Variants in VWC2 observed in about 807,000 individuals in gnomAD.
VWC2 encodes the protein brorin.
VWC2 carries 14 observed loss-of-function variants against 29.8 expected under a neutral mutation model. The ratio of observed to expected loss-of-function variants is 0.47; its 90% confidence interval spans 0.31 to 0.74. The LOEUF is 0.74. Among genes scored for constraint, VWC2 ranks in the 30% least tolerant of loss-of-function variants. The probability of loss-of-function intolerance (pLI) is 0.05; values close to 1 mark genes in which losing one functional copy is unlikely to be tolerated. For synonymous variants in VWC2, 213 were observed against 199.0 expected, an observed-to-expected ratio of 1.07 and a Z score of -0.59; for missense variants, 457 against 459.8, an observed-to-expected ratio of 0.99 and a Z score of 0.05.
At chr7:49,844,845 A>T (rs558383552) in intron 3 of VWC2, among the ~76,000 whole-genome samples, 1 of 152,104 alleles carries the variant, frequency 6.6e-6, no homozygotes, top group Non-Finnish European at 1.5e-5. Context: ...GGTGCCCGCC[A>T]CTACGTCCAA....
intron 2 of VWC2, among the ~76,000 whole-genome samples, chr7:49,801,193 A>G (rs564969153): frequency 6.6e-6 from 1 of 152,162 alleles, no homozygotes; most frequent in African/African-American, 2.4e-5. Context: ...TAGTGTTTGC[A>G]TTGTATAGAC....
intron 3 of VWC2, among the ~76,000 whole-genome samples, chr7:49,816,673 A>C (rs1415203735): frequency 6.6e-6 from 1 of 152,288 alleles, no homozygotes; most frequent in East Asian, 1.9e-4. Flanking sequence ...AAAACAGGAA[A>C]ATCTGTGAGT....
intron 2 of VWC2, among the ~76,000 whole-genome samples, chr7:49,793,932 A>G (rs1788522203): frequency 6.6e-6 from 1 of 152,218 alleles, no homozygotes; most frequent in Non-Finnish European, 1.5e-5. Flanking sequence ...TGAGCAACTC[A>G]GAGCCCACCT....
chr7:49,811,302 T>A (rs1789000479), intron 3 of VWC2, among the ~76,000 whole-genome samples: 1 of 152,220 alleles, frequency 6.6e-6, no homozygotes, highest in Non-Finnish European at 1.5e-5. Context: ...CATCTTGAAT[T>A]GTATTTCCTA....
chr7:49,854,099 T>C (rs996399719), intron 3 of VWC2, among the ~76,000 whole-genome samples: 8 of 152,102 alleles, frequency 5.3e-5, no homozygotes, highest in African/African-American at 1.9e-4. Context: ...CACATTTTCT[T>C]AATCCAGTCT....
chr7:49,802,684 A>C, intron 2 of VWC2, 27 bp from the exon 3 acceptor site: 1 of 1,613,940 alleles, frequency 6.2e-7, no homozygotes, highest in Non-Finnish European at 8.5e-7. Context: ...AGCAGGCTAA[A>C]GTGCTGATTG....
Position 49,880,632 on chromosome 7 carries a change from T to G in VWC2, c.827-31402T>G, listed in dbSNP as rs113985725. Reference sequence around the variant, plus strand: ...TATACTTTAAGTTCTAGGGTACATGTGAGAACACTTGGACACAGGGTGGGG... The same window carrying G: ...TATACTTTAAGTTCTAGGGTACATGGGAGAACACTTGGACACAGGGTGGGG... On this transcript the variant is annotated intron_variant, in intron 3 of 3. Transcript: ENST00000340652. Among the ~76,000 whole-genome samples, 1,427 of 152,042 alleles carry G rather than the reference T, an allele frequency of 9.4e-3. 17 individuals are homozygous for G. Among genetic ancestry groups the G allele is most frequent in the African/African-American group, 0.033 (1,362 of 41,438 alleles).
At chr7:49,898,958 A>C (rs1186222074) in intron 3 of VWC2, among the ~76,000 whole-genome samples, 1 of 152,146 alleles carries the variant, frequency 6.6e-6, no homozygotes, top group Non-Finnish European at 1.5e-5. Flanking sequence ...AAGTGCAACA[A>C]ATAGAAAATA....
chr7:49,852,783 C>T (rs535538666), intron 3 of VWC2, among the ~76,000 whole-genome samples: 1 of 152,302 alleles, frequency 6.6e-6, no homozygotes, highest in African/African-American at 2.4e-5. Flanking sequence ...TCCCTCTGCT[C>T]TCAAACTCCC....
intron 2 of VWC2, among the ~76,000 whole-genome samples, chr7:49,792,479 G>C (rs1476591246): frequency 6.6e-6 from 1 of 152,198 alleles, no homozygotes; most frequent in East Asian, 1.9e-4. Context: ...ACCCCAGTGG[G>C]TTCAACAGGT....
At chr7:49,791,407 G>T (rs1788459896) in intron 2 of VWC2, among the ~76,000 whole-genome samples, 1 of 152,210 alleles carries the variant, frequency 6.6e-6, no homozygotes, top group Non-Finnish European at 1.5e-5. Context: ...TCATGTAACA[G>T]GGTCAAAATG....
intron 3 of VWC2, among the ~76,000 whole-genome samples, chr7:49,909,609 C>T (rs1290687886): frequency 6.6e-6 from 1 of 152,100 alleles, no homozygotes; most frequent in East Asian, 1.9e-4. Flanking sequence ...TGACACTGGG[C>T]TCAGACATCA....
intron 2 of VWC2, among the ~76,000 whole-genome samples, chr7:49,777,636 C>A (rs1024078419): frequency 2.0e-5 from 3 of 152,190 alleles, no homozygotes; most frequent in African/African-American, 7.2e-5. Context: ...AGAAAGACAA[C>A]TGGGATGAGC....
intron 3 of VWC2, among the ~76,000 whole-genome samples, chr7:49,824,042 T>A (rs1169081449): frequency 2.0e-5 from 3 of 152,162 alleles, no homozygotes; most frequent in Non-Finnish European, 4.4e-5. Context: ...GCATTTTCCC[T>A]CAGTCTGTGG....
intron 2 of VWC2, among the ~76,000 whole-genome samples, chr7:49,788,968 T>C (rs1045673430): frequency 1.4e-5 from 2 of 144,534 alleles, no homozygotes; most frequent in African/African-American, 5.2e-5. Context: ...TGTGCATGAG[T>C]GTGTGTGAGC....
intron 3 of VWC2, among the ~76,000 whole-genome samples, chr7:49,887,659 C>G (rs1162532377): frequency 6.7e-6 from 1 of 148,218 alleles, no homozygotes; most frequent in Non-Finnish European, 1.5e-5. Context: ...AAAATAAGCC[C>G]TTCTAAAATT....
chr7:49,843,013 G>A (rs542214532), intron 3 of VWC2, among the ~76,000 whole-genome samples: 1 of 152,254 alleles, frequency 6.6e-6, no homozygotes, highest in African/African-American at 2.4e-5. Flanking sequence ...CATGAACTCT[G>A]AGCATAGTAC....
chr7:49,921,575 A>T lies in VWC2; in HGVS notation c.*9390A>T, dbSNP rs1259994921. 3 of 152,150 alleles carry T rather than the reference A, an allele frequency of 2.0e-5. No homozygotes were observed. The highest frequency in any genetic ancestry group is 7.2e-5 in the African/African-American group (3 of 41,424). 9.4% of individuals were successfully genotyped at this position (152,150 alleles called of 1,614,324 possible). On this transcript the variant is annotated 3_prime_UTR_variant, in exon 4 of 4. Coordinates refer to ENST00000340652, the MANE Select transcript of VWC2 (RefSeq NM_198570.5). ...TAACATGGGGAGAGTGGTATCAACC[A>T]CTAAGAGGATTAAATGAGTGAATAT... is the stretch of plus-strand genomic sequence containing the variant.
chr7:49,902,457 A>G (rs1792809583), intron 3 of VWC2, among the ~76,000 whole-genome samples: 1 of 151,934 alleles, frequency 6.6e-6, no homozygotes, highest in Non-Finnish European at 1.5e-5. Context: ...TATTTTTGAC[A>G]AAGGTGCAAA....
Sources: allele counts gnomAD v4.1 joint callset (sites outside exome capture counted in the v4.1 genomes callset), GRCh38; gene constraint gnomAD v4.1.1; transcripts MANE v1.5; gene names NCBI Gene and HGNC (gene_info 2026-07-23, HGNC 2026-07-21).